The following ERBB4 variants were observed in gnomAD, a reference collection of about 807,000 sequenced individuals.
The protein encoded by ERBB4 is erb-b2 receptor tyrosine kinase 4, also known as receptor tyrosine-protein kinase erbB-4.
In ERBB4, 42 loss-of-function variants were observed where a neutral mutation model predicts 158.0. The observed-to-expected ratio is 0.27, with a 90% CI of 0.21 to 0.34. ERBB4 has a LOEUF of 0.34. ERBB4 is among the 10% of genes least tolerant of loss of function. ERBB4 has a pLI of 1.00. For missense variants in ERBB4, 1,333 were observed against 1,624.1 expected (o/e 0.82, Z 3.08); for synonymous variants, 583 against 558.7 (o/e 1.04, Z -0.61).
Position 211,393,755 on chromosome 2 carries a change from G to A in ERBB4, c.3136-5763C>T, listed in dbSNP as rs868469515. Among the ~76,000 whole-genome samples, 1,255 of 147,186 alleles carry A rather than the reference G, an allele frequency of 8.5e-3. 12 individuals are homozygous for A. Among genetic ancestry groups the A allele is most frequent in the African/African-American group, 0.027 (1,015 of 37,456 alleles). On this transcript the variant is annotated intron_variant, in intron 25 of 27. Coordinates refer to ENST00000342788, the MANE Select transcript of ERBB4 (RefSeq NM_005235.3). ...GAGTTAATAGCGTGTGTGTGTGTGT[G>A]TGTGTGTGTGTGTGTGTGTGTGTGT...
chr2:212,177,636 A>G (rs752119804), intron 1 of ERBB4, among the ~76,000 whole-genome samples: 1 of 151,900 alleles, frequency 6.6e-6, no homozygotes, highest in African/African-American at 2.4e-5. Flanking sequence ...TATCAATTAT[A>G]TAGACTTCAC....
At chr2:211,998,347 T>C (rs1431558295) in intron 2 of ERBB4, among the ~76,000 whole-genome samples, 6 of 151,896 alleles carry the variant, frequency 4.0e-5, no homozygotes, top group African/African-American at 1.2e-4. Flanking sequence ...GGAAAATCTA[T>C]TGAGTGTGAT....
At chr2:212,518,414 A>G (rs1691959476) in intron 1 of ERBB4, among the ~76,000 whole-genome samples, 1 of 152,072 alleles carries the variant, frequency 6.6e-6, no homozygotes, top group Non-Finnish European at 1.5e-5. Context: ...AAAATTTCCC[A>G]AGACCCATTT....
chr2:211,823,756 G>A (rs1302334476), intron 3 of ERBB4, among the ~76,000 whole-genome samples: 1 of 151,930 alleles, frequency 6.6e-6, no homozygotes, highest in South Asian at 2.1e-4. Context: ...TATAATCTGT[G>A]TAATTTTTGT....
chr2:212,084,558 A>G (rs2078544256), intron 2 of ERBB4, among the ~76,000 whole-genome samples: 1 of 152,010 alleles, frequency 6.6e-6, no homozygotes, highest in South Asian at 2.1e-4. Flanking sequence ...CTAAAGAACC[A>G]ACTCTTGATT....
chr2:212,471,153 T>C (rs1689097343), intron 1 of ERBB4, among the ~76,000 whole-genome samples: 1 of 152,046 alleles, frequency 6.6e-6, no homozygotes, highest in Admixed American at 6.6e-5. Context: ...AAAATATGAT[T>C]GAAGTGGTGC....
At chr2:212,370,003 G>A (rs1465027339) in intron 1 of ERBB4, among the ~76,000 whole-genome samples, 2 of 152,170 alleles carry the variant, frequency 1.3e-5, no homozygotes, top group African/African-American at 4.8e-5. Context: ...GAGATATAGA[G>A]AGAAATAGTA....
intron 9 of ERBB4, among the ~76,000 whole-genome samples, chr2:211,707,448 G>A (rs1261061807): frequency 6.6e-6 from 1 of 152,036 alleles, no homozygotes; most frequent in East Asian, 1.9e-4. Context: ...ATAAAGCTCA[G>A]GAAAAAGAGA....
At chr2:212,504,498 T>C (rs997096189) in intron 1 of ERBB4, among the ~76,000 whole-genome samples, 94 of 148,264 alleles carry the variant, frequency 6.3e-4, no homozygotes, top group African/African-American at 2.3e-3. Flanking sequence ...TATAGAGAAA[T>C]AGAAAAAAAA....
chr2:212,454,478 T>A (rs1035887441), intron 1 of ERBB4, among the ~76,000 whole-genome samples: 1 of 152,218 alleles, frequency 6.6e-6, no homozygotes, highest in African/African-American at 2.4e-5. Context: ...AGAGTATTTA[T>A]GCATAAACCA....
At chr2:211,825,795 G>T (rs144713115) in intron 3 of ERBB4, among the ~76,000 whole-genome samples, 5,671 of 146,474 alleles carry the variant, frequency 0.039, 347 homozygotes, top group African/African-American at 0.13. Flanking sequence ...ATATATCAAT[G>T]ATATATTTAT....
intron 2 of ERBB4, among the ~76,000 whole-genome samples, chr2:211,979,819 G>T (rs1337076722): frequency 6.6e-6 from 1 of 152,032 alleles, no homozygotes; most frequent in Non-Finnish European, 1.5e-5. Flanking sequence ...TTACTATCTG[G>T]ATCAATCCCT....
At chr2:211,498,384 C>T (rs2065528389) in intron 20 of ERBB4, among the ~76,000 whole-genome samples, 1 of 151,960 alleles carries the variant, frequency 6.6e-6, no homozygotes, top group South Asian at 2.1e-4. Flanking sequence ...ATTTGTTTGA[C>T]TTTGGTACAT....
chr2:211,391,420 G>C (rs1387561103), intron 25 of ERBB4, among the ~76,000 whole-genome samples: 2 of 152,158 alleles, frequency 1.3e-5, no homozygotes, highest in East Asian at 3.8e-4. Context: ...AGATCTTTAG[G>C]AAGCAGCACT....
At chr2:212,073,209 T>C (rs2078177235) in intron 2 of ERBB4, among the ~76,000 whole-genome samples, 1 of 151,878 alleles carries the variant, frequency 6.6e-6, no homozygotes, top group Non-Finnish European at 1.5e-5. Context: ...GTAGATCACG[T>C]TCAAGTCTAT....
intron 2 of ERBB4, among the ~76,000 whole-genome samples, chr2:212,090,823 T>C (rs911490873): frequency 6.6e-6 from 1 of 152,196 alleles, no homozygotes; most frequent in Non-Finnish European, 1.5e-5. Flanking sequence ...TACTAATTCT[T>C]GGGTTTTTGT....
intron 3 of ERBB4, among the ~76,000 whole-genome samples, chr2:211,792,707 T>A (rs550890220): frequency 6.6e-6 from 1 of 152,000 alleles, no homozygotes; most frequent in South Asian, 2.1e-4. Flanking sequence ...CAGAAAGGTA[T>A]AAACTGCCAA....
At chr2:211,395,411 C>T (rs943700219) in intron 25 of ERBB4, among the ~76,000 whole-genome samples, 1 of 152,028 alleles carries the variant, frequency 6.6e-6, no homozygotes, top group Non-Finnish European at 1.5e-5. Context: ...ATCCAATGTA[C>T]AATCTGTTAT....
In ERBB4 at chr2:211,378,978, G is replaced by GT. The variant is rs1436828597; in HGVS notation, c.*4636dup. The GT allele has an allele frequency of 1.4e-4, 33 of 231,132 alleles. 1 individual carries two copies. The highest frequency in any genetic ancestry group is 1.8e-4 in the African/African-American group (8 of 45,166). 14.3% of individuals were successfully genotyped at this position (231,132 alleles called of 1,614,324 possible). A position where few individuals can be genotyped will look rare whatever the true frequency, so the allele number is the denominator to read the frequency against. ...TATACAGTAGAAGTTAATTTATCTG[G>GT]TTTTTTTAACAACTAGAAGCTGATG... On this transcript the variant is annotated 3_prime_UTR_variant, in exon 28 of 28. Transcript: ENST00000342788.
Sources: gnomAD v4.1 joint callset for allele counts (sites outside exome capture counted in the v4.1 genomes callset) on GRCh38, gnomAD v4.1.1 for gene constraint, MANE v1.5 for transcripts, NCBI Gene and HGNC (gene_info 2026-07-23, HGNC 2026-07-21) for gene names.